Variants in RARB observed in about 807,000 individuals in gnomAD.
RARB encodes retinoic acid receptor beta, also known as HBV-activated protein.
RARB carries 17 observed loss-of-function variants against 51.9 expected under a neutral mutation model. The ratio of observed to expected loss-of-function variants is 0.33; its 90% CI spans 0.22 to 0.49. The LOEUF is 0.49. RARB is among the 20% of genes least tolerant of loss of function. The probability of loss-of-function intolerance (pLI) is 0.99; values close to 1 mark genes in which losing one functional copy is unlikely to be tolerated. For missense variants in RARB, 369 were observed against 550.8 expected, an observed-to-expected ratio of 0.67 and a Z score of 3.30; for synonymous variants, 215 against 195.4, an observed-to-expected ratio of 1.10 and a Z score of -0.84.
At chr3:25,048,618 G>A (rs1384878362) in intron 2 of RARB, among the ~76,000 whole-genome samples, 2 of 152,052 alleles carry the variant, frequency 1.3e-5, no homozygotes, top group East Asian at 3.9e-4. Flanking sequence ...AAAATTAGTG[G>A]TTTCTCTGGC....
chr3:24,886,728 G>T (rs983280908), intron 2 of RARB, among the ~76,000 whole-genome samples: 1 of 152,006 alleles, frequency 6.6e-6, no homozygotes, highest in Admixed American at 6.6e-5. Flanking sequence ...GACCCACCGC[G>T]CCTAACCTGT....
intron 5 of RARB, among the ~76,000 whole-genome samples, chr3:25,584,950 C>T (rs7638736): frequency 2.7e-5 from 4 of 148,426 alleles, no homozygotes; most frequent in Non-Finnish European, 5.9e-5. Context: ...CCTCCCCTCA[C>T]CCTCCGCCCC....
At chr3:24,829,600 C>G (rs892747534) in intron 1 of RARB, among the ~76,000 whole-genome samples, 1 of 152,166 alleles carries the variant, frequency 6.6e-6, no homozygotes, top group African/African-American at 2.4e-5. Flanking sequence ...GCAGCGGGAG[C>G]CCGCGACCGA....
intron 2 of RARB, among the ~76,000 whole-genome samples, chr3:25,041,458 C>T (rs1698112918): frequency 6.6e-6 from 1 of 151,420 alleles, no homozygotes; most frequent in Admixed American, 6.6e-5. Flanking sequence ...CCCCTAACTG[C>T]AATAACTGGT....
At chr3:25,473,337 G>A (rs1285152735) in intron 2 of RARB, among the ~76,000 whole-genome samples, 2 of 152,038 alleles carry the variant, frequency 1.3e-5, no homozygotes, top group Non-Finnish European at 2.9e-5. Context: ...ATAAAACTCT[G>A]TGTGCATCTC....
chr3:25,501,133 G>A (rs757568893), intron 2 of RARB, 49 bp from the exon 3 acceptor site: 4 of 1,530,730 alleles, frequency 2.6e-6, no homozygotes, highest in Admixed American at 4.8e-5. Context: ...GATTTCTGAT[G>A]AAGCTCATTT....
chr3:25,365,899 T>C (rs1022470498), intron 5 of RARB, among the ~76,000 whole-genome samples: 7 of 152,330 alleles, frequency 4.6e-5, no homozygotes, highest in South Asian at 2.1e-4. Flanking sequence ...ATTTCTGCCA[T>C]ACCACAGTAG....
chr3:25,275,552 G>A (rs1041829685), intron 5 of RARB, among the ~76,000 whole-genome samples: 3 of 152,144 alleles, frequency 2.0e-5, no homozygotes, highest in Admixed American at 6.5e-5. Context: ...TTAGCCATAC[G>A]GCAACCCTTT....
At chr3:25,385,154 A>C (rs1208730290) in intron 5 of RARB, among the ~76,000 whole-genome samples, 1 of 152,190 alleles carries the variant, frequency 6.6e-6, no homozygotes, top group African/African-American at 2.4e-5. Context: ...TTCTAGTCAC[A>C]TAGCCATTTT....
intron 2 of RARB, among the ~76,000 whole-genome samples, chr3:25,000,683 T>C (rs1368342272): frequency 6.6e-6 from 1 of 152,162 alleles, no homozygotes; most frequent in Admixed American, 6.6e-5. Flanking sequence ...ATCTCAGTGC[T>C]TTCTTTCATT....
At chr3:24,845,016 A>G (rs1441001605) in intron 1 of RARB, among the ~76,000 whole-genome samples, 1 of 152,294 alleles carries the variant, frequency 6.6e-6, no homozygotes, top group Non-Finnish European at 1.5e-5. Flanking sequence ...CTATTCAACA[A>G]TCAAAGCTGT....
rs184988882 is a variant in RARB, at chr3:25,374,588, C to T, written c.179-86605C>T. On this transcript the variant is annotated intron_variant, in intron 5 of 11. Coordinates refer to the RARB transcript ENST00000383772. ...CCTGCTGCTCCTAACTGGGAGGGAG[C>T]TGGGGAGAGAAGCATCTCAAGTCTC... 5.1e-3 allele frequency among the ~76,000 whole-genome samples: 775 copies of T among 152,164 alleles called. 24 individuals carry two copies. Among genetic ancestry groups the T allele is most frequent in the Admixed American group, 0.048 (733 of 15,276 alleles).
chr3:25,301,986 G>A (rs1307547064), intron 5 of RARB, among the ~76,000 whole-genome samples: 1 of 152,146 alleles, frequency 6.6e-6, no homozygotes, highest in African/African-American at 2.4e-5. Context: ...ATACAGATGA[G>A]AAACTAACAG....
chr3:25,164,657 T>C (rs1224871596), intron 4 of RARB, among the ~76,000 whole-genome samples: 6 of 152,248 alleles, frequency 3.9e-5, no homozygotes, highest in Admixed American at 2.6e-4. Flanking sequence ...TAAATACTTA[T>C]TTAAATCTGC....
intron 2 of RARB, among the ~76,000 whole-genome samples, chr3:24,923,307 T>C (rs923370861): frequency 2.0e-5 from 3 of 152,154 alleles, no homozygotes; most frequent in Non-Finnish European, 4.4e-5. Flanking sequence ...TCCCTCCTTT[T>C]AAAGCATTGC....
chr3:25,560,669 G>C (rs978779332), intron 3 of RARB, among the ~76,000 whole-genome samples: 1 of 152,260 alleles, frequency 6.6e-6, no homozygotes, highest in South Asian at 2.1e-4. Context: ...TGGAATGCTG[G>C]TCTCATCTTG....
intron 5 of RARB, chr3:25,260,051 C>A: frequency 1.1e-6 from 1 of 947,984 alleles, no homozygotes; most frequent in Non-Finnish European, 1.3e-6. Context: ...GGTGTGAGTT[C>A]GTGTGTGGCT....
intron 2 of RARB, among the ~76,000 whole-genome samples, chr3:24,989,245 C>T (rs1217673336): frequency 6.6e-6 from 1 of 152,126 alleles, no homozygotes; most frequent in Non-Finnish European, 1.5e-5. Context: ...AATGCGAGCC[C>T]ATCAGAATGG....
At chr3:25,280,552 G>C (rs1406300963) in intron 5 of RARB, among the ~76,000 whole-genome samples, 1 of 152,088 alleles carries the variant, frequency 6.6e-6, no homozygotes, top group African/African-American at 2.4e-5. Context: ...CAGAACATGG[G>C]GTATTGGGTG....
Sources: allele counts gnomAD v4.1 joint callset (sites outside exome capture counted in the v4.1 genomes callset), GRCh38; gene constraint gnomAD v4.1.1; transcripts MANE v1.5; gene names NCBI Gene and HGNC (gene_info 2026-07-23, HGNC 2026-07-21).